NUP153: variants seen among roughly 807,000 people sequenced by gnomAD.
NUP153 encodes nuclear pore complex protein Nup153.
In NUP153, 27 loss-of-function variants were observed where a neutral mutation model predicts 134.6. The ratio of observed to expected loss-of-function variants is 0.20; its 90% CI spans 0.15 to 0.28. The LOEUF is 0.28. NUP153 is among the 10% of genes least tolerant of loss of function. The probability of loss-of-function intolerance (pLI) is 1.00; values close to 1 mark genes in which losing one functional copy is unlikely to be tolerated. For synonymous variants in NUP153, 640 were observed against 623.5 expected (o/e 1.03, Z -0.40); for missense variants, 1,821 against 1,731.3 (o/e 1.05, Z -0.92).
chr6:17,627,412 A>T (rs1764999311), intron 18 of NUP153, among the ~76,000 whole-genome samples: 1 of 152,230 alleles, frequency 6.6e-6, no homozygotes, highest in Admixed American at 6.5e-5. Context: ...TTTATTATTC[A>T]AAAGTATTCA....
chr6:17,647,350 A>C (rs900787204), intron 13 of NUP153, among the ~76,000 whole-genome samples: 9 of 152,236 alleles, frequency 5.9e-5, no homozygotes, highest in African/African-American at 2.2e-4. Flanking sequence ...GTTTTAACTA[A>C]ATGCAATATC....
At chr6:17,702,747 G>C (rs1185868807) in intron 1 of NUP153, among the ~76,000 whole-genome samples, 1 of 152,118 alleles carries the variant, frequency 6.6e-6, no homozygotes, top group African/African-American at 2.4e-5. Context: ...TAAAGGGGTA[G>C]GGGAGAAGGC....
intron 2 of NUP153, among the ~76,000 whole-genome samples, chr6:17,677,672 T>TA: frequency 6.6e-6 from 1 of 152,150 alleles, no homozygotes; most frequent in Non-Finnish European, 1.5e-5. Context: ...CAGTGGAACT[T>TA]AAGAGAATTT....
In NUP153 at chr6:17,628,635, A is replaced by G. The variant is rs760235425; in HGVS notation, c.3544+20T>C. On this transcript the variant is annotated intron_variant, in intron 18 of 21. Transcript: ENST00000262077. The surrounding 1 kb of genome is among the most constrained non-coding windows in gnomAD (Gnocchi z 5.4). Reference sequence around the variant, plus strand: ...TAAAAAAAAAAATAATAATAATAATAATAAAAAGTTAATACTTACCAGCTG... The same window carrying G: ...TAAAAAAAAAAATAATAATAATAATGATAAAAAGTTAATACTTACCAGCTG... 2.4e-6 allele frequency: 3 copies of G among 1,245,828 alleles called. No homozygotes were observed. In the African/African-American group the frequency reaches 4.7e-5, roughly 19 times the overall value. 77.2% of individuals were successfully genotyped at this position (1,245,828 alleles called of 1,614,324 possible). A position where few individuals can be genotyped will look rare whatever the true frequency, so the allele number is the denominator to read the frequency against.
At chr6:17,691,436 G>A (rs1277800067) in intron 1 of NUP153, among the ~76,000 whole-genome samples, 1 of 152,092 alleles carries the variant, frequency 6.6e-6, no homozygotes, top group African/African-American at 2.4e-5. Flanking sequence ...CATACTTCAA[G>A]ACTTGAAAGT....
chr6:17,616,290 G>GGGGGGGGGGGGGGGGCCCC, intron 21 of NUP153, 109 bp from the exon 22 acceptor site: 2 of 473,880 alleles, frequency 4.2e-6, no homozygotes, highest in East Asian at 4.5e-5. Flanking sequence ...GGTGGGGGGG[G>GGGGGGGGGGGGGGGGCCCC]AGTAGACTCA....
intron 14 of NUP153, among the ~76,000 whole-genome samples, chr6:17,645,821 A>G (rs1398108938): frequency 6.6e-6 from 1 of 152,198 alleles, no homozygotes; most frequent in African/African-American, 2.4e-5. Context: ...TAGTGGATAA[A>G]TTTGCTACCA....
At chr6:17,690,008 G>A (rs577457395) in intron 1 of NUP153, among the ~76,000 whole-genome samples, 5 of 152,200 alleles carry the variant, frequency 3.3e-5, no homozygotes, top group Non-Finnish European at 5.9e-5. Flanking sequence ...GACAAACAAT[G>A]AAGTTAAATA....
chr6:17,642,077 A>G (rs1252407945), intron 14 of NUP153, among the ~76,000 whole-genome samples: 1 of 152,218 alleles, frequency 6.6e-6, no homozygotes, highest in Admixed American at 6.5e-5. Context: ...ACAATAAACA[A>G]AAATTCAAAA....
chr6:17,688,396 C>T lies in NUP153; in HGVS notation c.334G>A (p.Glu112Lys). ...GACAAAATATTCACATTTTACTTAC[C>T]TTCTGTATTACTGACTGCTGGCTCA... ...TPEPAVSNTE[E>K]PSTTSTASNY... Residue 112 changes from glutamate (E) to lysine (K), a missense_variant and splice_region_variant, in exon 2 of 22, where the codon GAA becomes AAA. By Grantham distance (56) the Glu-to-Lys change is moderately conservative. Coordinates refer to ENST00000262077, the MANE Select transcript of NUP153 (RefSeq NM_005124.4). 6.2e-7 allele frequency: 1 copy of T among 1,610,334 alleles called. No homozygotes were observed. The highest frequency in any genetic ancestry group is 8.5e-7 in the Non-Finnish European group (1 of 1,176,704).
intron 21 of NUP153, 132 bp downstream of exon 21, chr6:17,616,395 A>G: frequency 1.1e-6 from 1 of 880,702 alleles, no homozygotes; most frequent in Non-Finnish European, 1.7e-6. Context: ...ATAGTATGGT[A>G]AATTTATGTT....
At position 17,626,118 on chromosome 6, in the gene NUP153, G is replaced by A; in HGVS notation, c.3591C>T (p.Ser1197=). ...AAGTGGCTGGTGTACTTGAACTAGA[G>A]GAACTGTTGTTCAAGAAACTAAAAA... is the stretch of plus-strand genomic sequence containing the variant. ...KPVFSFLNNS[S]SSSSTPATSA... Residue 1197 remains serine (S), a synonymous_variant, in exon 19 of 22, where the codon TCC becomes TCT. Coordinates refer to ENST00000262077, the MANE Select transcript of NUP153 (RefSeq NM_005124.4). The A allele has an allele frequency of 6.2e-7, 1 of 1,613,444 alleles. No individual in the cohort carries two copies. The highest frequency in any genetic ancestry group is 8.5e-7 in the Non-Finnish European group (1 of 1,180,014).
chr6:17,630,656 A>C (rs1345613056), intron 17 of NUP153, among the ~76,000 whole-genome samples: 6 of 151,140 alleles, frequency 4.0e-5, no homozygotes, highest in Non-Finnish European at 8.8e-5. Flanking sequence ...GTGAGACTCC[A>C]CTTCAAAATA....
chr6:17,692,502 CCT>C (rs1309250837), intron 1 of NUP153, among the ~76,000 whole-genome samples: 2 of 151,892 alleles, frequency 1.3e-5, no homozygotes, highest in African/African-American at 4.8e-5. Flanking sequence ...TGACAGAGAC[CCT>C]GTTTCTAAAA....
chr6:17,674,861 A>G lies in NUP153; in HGVS notation c.852+44T>C, dbSNP rs747859218. The G allele has an allele frequency of 1.7e-5, 24 of 1,452,090 alleles. No individual in the cohort carries two copies. The East Asian group carries it at 5.6e-4, about 34-fold the overall frequency. 90.0% of individuals were successfully genotyped at this position (1,452,090 alleles called of 1,614,324 possible). A position where few individuals can be genotyped will look rare whatever the true frequency, so the allele number is the denominator to read the frequency against. ...ATTTATTATCCAGTTAAAGTGTAAAAAAAAAGAAAAAAAAAGATCATCAAC... is the reference window on the plus strand; with the variant it reads ...ATTTATTATCCAGTTAAAGTGTAAAGAAAAAGAAAAAAAAAGATCATCAAC... On this transcript the variant is annotated intron_variant, in intron 5 of 21. Transcript: ENST00000262077.
intron 17 of NUP153, among the ~76,000 whole-genome samples, chr6:17,630,727 A>G (rs1474105715): frequency 3.7e-5 from 5 of 133,432 alleles, no homozygotes; most frequent in African/African-American, 5.5e-5. Flanking sequence ...GAGGGGAGAC[A>G]AGAGGGGAGA....
In NUP153 at chr6:17,649,473, C is replaced by A. The variant is rs1283487954; in HGVS notation, c.1396-173G>T. On this transcript the variant is annotated intron_variant, in intron 11 of 21. Coordinates refer to ENST00000262077, the MANE Select transcript of NUP153 (RefSeq NM_005124.4). ...TTTTTAATCCCAGCTGTGCCACCAACCAGCCATTTGACTTGGGGAACCTAA... is the reference window on the plus strand; with the variant it reads ...TTTTTAATCCCAGCTGTGCCACCAAACAGCCATTTGACTTGGGGAACCTAA... Among the ~76,000 whole-genome samples, 4 of 152,166 alleles carry A rather than the reference C, an allele frequency of 2.6e-5. No individual in the cohort carries two copies. The East Asian group carries it at 7.7e-4, about 29-fold the overall frequency.
At chr6:17,668,496 T>C (rs952847064) in intron 8 of NUP153, among the ~76,000 whole-genome samples, 1 of 152,074 alleles carries the variant, frequency 6.6e-6, no homozygotes. Context: ...CTACTACATA[T>C]ACAATATTGT....
chr6:17,642,129 T>A (rs1219060114), intron 14 of NUP153, among the ~76,000 whole-genome samples: 1 of 152,124 alleles, frequency 6.6e-6, no homozygotes, highest in Non-Finnish European at 1.5e-5. Context: ...CATAAAACTC[T>A]TAGAAGAAAA....
Sources: allele counts gnomAD v4.1 joint callset (sites outside exome capture counted in the v4.1 genomes callset), GRCh38; gene constraint gnomAD v4.1.1; non-coding constraint Gnocchi (gnomAD v3.1); transcripts MANE v1.5; gene names NCBI Gene and HGNC (gene_info 2026-07-23, HGNC 2026-07-21).